NBEA: variants seen among roughly 807,000 people sequenced by gnomAD.
The protein encoded by NBEA is lysosomal-trafficking regulator 2.
Under a neutral mutation model 343.4 loss-of-function variants are expected in NBEA, and 44 were observed. That is an observed-to-expected ratio of 0.13 (90% CI 0.10 to 0.16). The LOEUF is 0.16. NBEA is among the 10% of genes least tolerant of loss of function. The probability of loss-of-function intolerance (pLI) is 1.00; values close to 1 mark genes in which losing one functional copy is unlikely to be tolerated. For missense variants in NBEA, 2,555 were observed against 3,631.3 expected, an observed-to-expected ratio of 0.70 and a Z score of 7.62; for synonymous variants, 1,175 against 1,238.7, an observed-to-expected ratio of 0.95 and a Z score of 1.08.
intron 47 of NBEA, among the ~76,000 whole-genome samples, chr13:35,599,159 C>T (rs1235817959): frequency 6.6e-6 from 1 of 152,122 alleles, no homozygotes; most frequent in Admixed American, 6.5e-5. Context: ...GCTGATCTTC[C>T]AGACCCCACC....
intron 55 of NBEA, among the ~76,000 whole-genome samples, chr13:35,661,203 CA>C (rs1179376871): frequency 1.3e-5 from 2 of 152,100 alleles, no homozygotes; most frequent in African/African-American, 4.8e-5. Context: ...AGGTTCCAAC[CA>C]GGGGGTGTCT....
At position 35,668,445 on chromosome 13, in the gene NBEA, T is replaced by C. The variant is rs1440897922; in HGVS notation, c.8739T>C (p.Cys2913=). Reference sequence around the variant, plus strand: ...GGGTAGTAGAGGTCTGGCAGGCCTGTGACTTCAAGCAACTGTACATTTACC... The same window carrying C: ...GGGTAGTAGAGGTCTGGCAGGCCTGCGACTTCAAGCAACTGTACATTTACC... ...DNGVVEVWQA[C]DFKQLYIYPG... Residue 2913 remains cysteine (C), a synonymous_variant, in exon 58 of 59, where the codon TGT becomes TGC. Coordinates refer to ENST00000379939, the MANE Select transcript of NBEA (RefSeq NM_001385012.1). 1 of 1,613,432 alleles carries C rather than the reference T, an allele frequency of 6.2e-7. No homozygotes were observed. Among genetic ancestry groups the C allele is most frequent in the Non-Finnish European group, 8.5e-7 (1 of 1,179,716 alleles).
rs1041698071 is a variant in NBEA, at chr13:35,208,617, T to C, written c.5367-83T>C. Reference sequence around the variant, plus strand: ...AAGAAGAGAGGGAGAAATTCGATGTTGACTATGTATATCTGTTGCAGCAGG... The same window carrying C: ...AAGAAGAGAGGGAGAAATTCGATGTCGACTATGTATATCTGTTGCAGCAGG... On this transcript the variant is annotated intron_variant, in intron 31 of 58. Transcript: ENST00000379939. The C allele has an allele frequency of 5.0e-6, 6 of 1,211,250 alleles. No individual in the cohort carries two copies. The African/African-American group carries it at 9.2e-5, about 19-fold the overall frequency. The allele number at this position is 1,211,250 out of a possible 1,614,324, so 75.0% of individuals were successfully genotyped here.
chr13:35,308,500 G>A (rs866128296), intron 35 of NBEA, among the ~76,000 whole-genome samples: 3,721 of 91,558 alleles, frequency 0.041, 97 homozygotes, highest in East Asian at 0.075. Flanking sequence ...ATATATATGT[G>A]TATATATATA....
intron 30 of NBEA, among the ~76,000 whole-genome samples, chr13:35,191,185 G>A (rs1345479699): frequency 6.6e-6 from 1 of 152,018 alleles, no homozygotes; most frequent in East Asian, 1.9e-4. Flanking sequence ...TGTATACTGG[G>A]AGTCCCAGAG....
chr13:35,567,105 T>A (rs2080172901), intron 45 of NBEA, 88 bp downstream of exon 45: 1 of 631,160 alleles, frequency 1.6e-6, no homozygotes. Context: ...CCAGTTAATG[T>A]TTGTAAGAAG....
At chr13:35,256,872 C>T (rs2032668199) in intron 34 of NBEA, among the ~76,000 whole-genome samples, 1 of 152,338 alleles carries the variant, frequency 6.6e-6, no homozygotes, top group African/African-American at 2.4e-5. Context: ...TTCCTGCACC[C>T]CCAAGAGTGC....
intron 27 of NBEA, among the ~76,000 whole-genome samples, chr13:35,175,842 A>G (rs980289228): frequency 5.9e-5 from 9 of 152,138 alleles, no homozygotes; most frequent in Non-Finnish European, 1.2e-4. Flanking sequence ...CCATACCTTC[A>G]TGTGACCTCA....
At chr13:34,967,527 A>G (rs2059861672) in intron 1 of NBEA, among the ~76,000 whole-genome samples, 1 of 152,048 alleles carries the variant, frequency 6.6e-6, no homozygotes, top group African/African-American at 2.4e-5. Context: ...TTTGTCTTCA[A>G]GTAGTAATAT....
chr13:34,944,909 T>C (rs992634021), intron 1 of NBEA, among the ~76,000 whole-genome samples: 10 of 152,196 alleles, frequency 6.6e-5, no homozygotes, highest in African/African-American at 2.2e-4. Context: ...GTTTGGACTC[T>C]GCAGCAGTAG....
chr13:35,552,625 C>T (rs1222158374), intron 43 of NBEA, among the ~76,000 whole-genome samples: 2 of 152,268 alleles, frequency 1.3e-5, no homozygotes, highest in African/African-American at 4.8e-5. Flanking sequence ...CAGGAATTGA[C>T]ATTAAGAACT....
At chr13:35,499,844 A>G (rs1411221287) in intron 41 of NBEA, among the ~76,000 whole-genome samples, 1 of 152,104 alleles carries the variant, frequency 6.6e-6, no homozygotes, top group Non-Finnish European at 1.5e-5. Context: ...CATGAAGGAC[A>G]AATGAACGCT....
At chr13:35,364,055 G>A (rs757973061) in intron 38 of NBEA, among the ~76,000 whole-genome samples, 1 of 151,932 alleles carries the variant, frequency 6.6e-6, no homozygotes, top group Non-Finnish European at 1.5e-5. Context: ...CTACCAGGAA[G>A]TTGAAAATAG....
chr13:35,389,970 AGTGTGTGTGTGTGTGTGT>A (rs10523765), intron 38 of NBEA, among the ~76,000 whole-genome samples: 1 of 137,960 alleles, frequency 7.2e-6, no homozygotes, highest in Non-Finnish European at 1.6e-5. Context: ...TCTTTTGTAG[AGTGTGTGTGTGTGTGTGT>A]GTGTGTGTGT....
At chr13:34,962,710 T>C (rs775245995) in intron 1 of NBEA, among the ~76,000 whole-genome samples, 4 of 152,070 alleles carry the variant, frequency 2.6e-5, no homozygotes, top group Non-Finnish European at 5.9e-5. Flanking sequence ...AAAATATATA[T>C]AAGTGAATGT....
At chr13:35,336,689 T>TA (rs975716690) in intron 36 of NBEA, among the ~76,000 whole-genome samples, 3 of 151,724 alleles carry the variant, frequency 2.0e-5, no homozygotes, top group African/African-American at 7.3e-5. Flanking sequence ...TATGAAGCCT[T>TA]AAAAAAAATG....
At chr13:35,468,984 A>G (rs1242685670) in intron 40 of NBEA, among the ~76,000 whole-genome samples, 4 of 151,182 alleles carry the variant, frequency 2.6e-5, no homozygotes, top group Non-Finnish European at 5.9e-5. Flanking sequence ...CTGTACTCCC[A>G]GCTACTCAGG....
chr13:35,670,252 G>A (rs1438971542), intron 58 of NBEA, among the ~76,000 whole-genome samples: 1 of 152,168 alleles, frequency 6.6e-6, no homozygotes, highest in Non-Finnish European at 1.5e-5. Flanking sequence ...AAGCCTCAGA[G>A]CTGAACAGCT....
chr13:35,421,263 C>T (rs1259171421), intron 38 of NBEA, among the ~76,000 whole-genome samples: 4 of 151,682 alleles, frequency 2.6e-5, no homozygotes, highest in African/African-American at 9.7e-5. Context: ...ATTTTTTCTG[C>T]CTTCCTGTGG....
Sources: gnomAD v4.1 joint callset for allele counts (sites outside exome capture counted in the v4.1 genomes callset) on GRCh38, gnomAD v4.1.1 for gene constraint, MANE v1.5 for transcripts, NCBI Gene and HGNC (gene_info 2026-07-23, HGNC 2026-07-21) for gene names.